The following GALNT2 variants were observed in gnomAD, a reference collection of about 807,000 sequenced individuals.
GALNT2 encodes UDP-GalNAc:polypeptide N-acetylgalactosaminyltransferase 2.
GALNT2 carries 31 observed loss-of-function variants against 81.4 expected under a neutral mutation model. The observed-to-expected ratio is 0.38, with a 90% CI of 0.29 to 0.51. GALNT2 has a LOEUF of 0.51. GALNT2 is among the 20% of genes least tolerant of loss of function. The probability of loss-of-function intolerance (pLI) is 0.87; values close to 1 mark genes in which losing one functional copy is unlikely to be tolerated. For missense variants in GALNT2, 629 were observed against 765.7 expected (o/e 0.82, Z 2.11); for synonymous variants, 303 against 287.4 (o/e 1.05, Z -0.55).
intron 1 of GALNT2, among the ~76,000 whole-genome samples, chr1:230,164,402 G>A (rs913066741): frequency 6.6e-6 from 1 of 152,224 alleles, no homozygotes; most frequent in African/African-American, 2.4e-5. Context: ...TGTTTGACCC[G>A]TTTCTTGGAG....
intron 6 of GALNT2, among the ~76,000 whole-genome samples, chr1:230,239,083 G>A (rs1276584120): frequency 6.6e-6 from 1 of 151,834 alleles, no homozygotes; most frequent in Non-Finnish European, 1.5e-5. Context: ...TTTTATCAAC[G>A]TTTTTATATT....
At chr1:230,262,492 A>T in intron 11 of GALNT2, 81 bp from the exon 12 acceptor site, 3 of 1,237,910 alleles carry the variant, frequency 2.4e-6, no homozygotes, top group Non-Finnish European at 3.5e-6. Context: ...CGCCTCAGTC[A>T]CACGCCAGCA....
At chr1:230,058,546 G>A (rs1658972841) in intron 1 of GALNT2, among the ~76,000 whole-genome samples, 1 of 152,176 alleles carries the variant, frequency 6.6e-6, no homozygotes, top group Non-Finnish European at 1.5e-5. Context: ...CCTTGGGCAA[G>A]GCACTTAACA....
chr1:230,265,554 A>G (rs1003146801), intron 14 of GALNT2, among the ~76,000 whole-genome samples, 187 bp downstream of exon 14: 4 of 152,166 alleles, frequency 2.6e-5, no homozygotes, highest in African/African-American at 9.7e-5. Context: ...AATGTCACAC[A>G]CTTTGGTGCA....
At chr1:230,119,210 C>T (rs1351689820) in intron 1 of GALNT2, among the ~76,000 whole-genome samples, 2 of 152,166 alleles carry the variant, frequency 1.3e-5, no homozygotes, top group Admixed American at 6.5e-5. Context: ...CTTGGAAAAT[C>T]GGAGTTTTCT....
At chr1:230,080,169 A>G (rs747363551) in intron 1 of GALNT2, among the ~76,000 whole-genome samples, 1 of 152,094 alleles carries the variant, frequency 6.6e-6, no homozygotes, top group Non-Finnish European at 1.5e-5. Context: ...CCCTGGAAGG[A>G]TATTTTTGGT....
chr1:230,195,044 C>T (rs1214853041), intron 2 of GALNT2, among the ~76,000 whole-genome samples: 1 of 152,210 alleles, frequency 6.6e-6, no homozygotes. Flanking sequence ...AAGGGTACAG[C>T]AAACAAGGTT....
intron 1 of GALNT2, among the ~76,000 whole-genome samples, chr1:230,112,956 G>A (rs187956152): frequency 6.6e-6 from 1 of 152,330 alleles, no homozygotes; most frequent in Non-Finnish European, 1.5e-5. Context: ...TTTTGTTCTG[G>A]GCTCTGCTGC....
chr1:230,240,523 C>T (rs1439647387), intron 6 of GALNT2, among the ~76,000 whole-genome samples: 4 of 152,164 alleles, frequency 2.6e-5, no homozygotes, highest in East Asian at 1.9e-4. Flanking sequence ...ACATGGGAGG[C>T]GGAGGTTGCA....
chr1:230,185,311 T>C (rs1010480097), intron 2 of GALNT2, among the ~76,000 whole-genome samples: 3 of 139,694 alleles, frequency 2.1e-5, no homozygotes, highest in South Asian at 2.5e-4. Context: ...TGCGCGCGTG[T>C]GTGTGTGTGT....
chr1:230,205,814 G>C (rs1013748434), intron 3 of GALNT2, among the ~76,000 whole-genome samples: 1 of 151,614 alleles, frequency 6.6e-6, no homozygotes, highest in Non-Finnish European at 1.5e-5. Flanking sequence ...CCCATGCCAG[G>C]TGCTTCTCCG....
At chr1:230,219,641 C>A (rs1331183950) in intron 3 of GALNT2, among the ~76,000 whole-genome samples, 1 of 152,128 alleles carries the variant, frequency 6.6e-6, no homozygotes, top group African/African-American at 2.4e-5. Flanking sequence ...AGATGGCCTG[C>A]AGTAGCCGGT....
intron 1 of GALNT2, among the ~76,000 whole-genome samples, chr1:230,171,797 G>A (rs1035745674): frequency 1.3e-5 from 2 of 152,134 alleles, no homozygotes; most frequent in Non-Finnish European, 2.9e-5. Context: ...ATTCAAAAAT[G>A]TTACCAGAGG....
At chr1:230,119,973 C>A (rs1468164462) in intron 1 of GALNT2, among the ~76,000 whole-genome samples, 1 of 152,102 alleles carries the variant, frequency 6.6e-6, no homozygotes, top group Non-Finnish European at 1.5e-5. Flanking sequence ...TGTTCCTGCC[C>A]CAGACCTGGA....
chr1:230,126,789 C>A lies in GALNT2; in HGVS notation c.127-51429C>A, dbSNP rs185682763. ...GTAAGAGTGTTCCAGCCCGTATAAC[C>A]CCACGTGCACACTTTGCTGAGGAGA... On this transcript the variant is annotated intron_variant, in intron 1 of 15. Transcript: ENST00000366672. 7.7e-3 allele frequency among the ~76,000 whole-genome samples: 1,166 copies of A among 152,206 alleles called. 10 individuals carry two copies. Among genetic ancestry groups the A allele is most frequent in the Middle Eastern group, 0.014 (4 of 294 alleles).
intron 1 of GALNT2, among the ~76,000 whole-genome samples, chr1:230,071,676 A>G (rs1228004588): frequency 6.6e-6 from 1 of 152,148 alleles, no homozygotes; most frequent in Non-Finnish European, 1.5e-5. Context: ...ACTCCTTGCC[A>G]CCTATCATCA....
At chr1:230,244,868 G>A (rs1665315882) in intron 7 of GALNT2, among the ~76,000 whole-genome samples, 1 of 150,142 alleles carries the variant, frequency 6.7e-6, no homozygotes, top group South Asian at 2.1e-4. Flanking sequence ...TTCCTAATTA[G>A]CATGTTCCTT....
intron 1 of GALNT2, among the ~76,000 whole-genome samples, chr1:230,120,135 C>A (rs375483642): frequency 6.7e-6 from 1 of 149,922 alleles, no homozygotes; most frequent in Non-Finnish European, 1.5e-5. Context: ...ACACTGCAGT[C>A]CTCACTAGCC....
At chr1:230,262,879 A>G (rs1370738957) in intron 12 of GALNT2, 43 bp from the exon 13 acceptor site, 6 of 1,572,554 alleles carry the variant, frequency 3.8e-6, no homozygotes, top group Non-Finnish European at 5.2e-6. Context: ...AAGCCCATCT[A>G]TTCTTAAAAT....
Sources: allele counts gnomAD v4.1 joint callset (sites outside exome capture counted in the v4.1 genomes callset), GRCh38; gene constraint gnomAD v4.1.1; transcripts MANE v1.5; gene names NCBI Gene and HGNC (gene_info 2026-07-23, HGNC 2026-07-21).